The following ZNF527 variants were observed in gnomAD, a reference collection of about 807,000 sequenced individuals.
ZNF527 encodes zinc finger protein 527.
In ZNF527, 5 loss-of-function variants were observed where a neutral mutation model predicts 13.5. The observed-to-expected ratio is 0.37, with a 90% CI of 0.19 to 0.78. The LOEUF is 0.78. Among genes scored for constraint, ZNF527 ranks in the 30% least tolerant of loss-of-function variants. ZNF527 has a pLI of 0.48. For synonymous variants in ZNF527, 209 were observed against 243.1 expected (o/e 0.86, Z 1.30); for missense variants, 628 against 726.4 (o/e 0.86, Z 1.56).
intron 4 of ZNF527, among the ~76,000 whole-genome samples, chr19:37,387,448 A>C (rs572427139): frequency 6.6e-6 from 1 of 152,348 alleles, no homozygotes; most frequent in South Asian, 2.1e-4. Flanking sequence ...TTGAGCTCTC[A>C]GAATTTACAA....
At position 37,390,026 on chromosome 19, in the gene ZNF527, A is replaced by G; in HGVS notation, c.*147A>G. 6.8e-6 allele frequency: 7 copies of G among 1,026,390 alleles called. No individual in the cohort carries two copies. The highest frequency in any genetic ancestry group is 9.4e-6 in the Non-Finnish European group (7 of 741,544). The allele number at this position is 1,026,390 out of a possible 1,614,324, so 63.6% of individuals were successfully genotyped here. A position where few individuals can be genotyped will look rare whatever the true frequency, so the allele number is the denominator to read the frequency against. The stretch of plus-strand genomic sequence containing the variant: ...TATTTGAAGTAGCTCAGTAGTAGAC[A>G]TCTGTTACTTTTTTTTTTTTCAGAC... On this transcript the variant is annotated 3_prime_UTR_variant, in exon 5 of 5. Transcript: ENST00000436120.
Position 37,392,398 on chromosome 19 carries a change from TA to T in ZNF527, c.*2520del, listed in dbSNP as rs1262703772. ...CTAATTGATTTTTATTTTATTTATT[TA>T]TTTTTTTTGAGACAGGGTCTCACTC... On this transcript the variant is annotated 3_prime_UTR_variant, in exon 5 of 5. Coordinates refer to ENST00000436120, the MANE Select transcript of ZNF527 (RefSeq NM_032453.2). 1 of 152,176 alleles carries T rather than the reference TA, an allele frequency of 6.6e-6. No homozygotes were observed. Among genetic ancestry groups the T allele is most frequent in the Non-Finnish European group, 1.5e-5 (1 of 68,034 alleles). 9.4% of individuals were successfully genotyped at this position (152,176 alleles called of 1,614,324 possible).
chr19:37,385,279 A>C, intron 4 of ZNF527: 1 of 437,002 alleles, frequency 2.3e-6, no homozygotes. Context: ...TTCAAGGTTA[A>C]TGTCAAATTC....
intron 3 of ZNF527, 108 bp downstream of exon 3, chr19:37,379,354 G>C (rs1370599340): frequency 9.4e-7 from 1 of 1,066,358 alleles, no homozygotes; most frequent in African/African-American, 1.6e-5. Flanking sequence ...GCACTTACTT[G>C]CCTTTCTACT....
In ZNF527 at chr19:37,374,242, T is replaced by G. The variant is rs1360849291; in HGVS notation, c.33+11T>G. The G allele has an allele frequency of 8.7e-6, 14 of 1,613,862 alleles. No homozygotes were observed. Among genetic ancestry groups the G allele is most frequent in the African/African-American group, 1.3e-5 (1 of 74,928 alleles). On this transcript the variant is annotated intron_variant, in intron 2 of 4. Transcript: ENST00000436120. The stretch of plus-strand genomic sequence containing the variant: ...AAAGCCATGTCCCAGGTAAGCATGC[T>G]CTTTCACTTTGTTTTCAGACATTTG...
Position 37,384,816 on chromosome 19 carries a change from T to C in ZNF527, c.257-3490T>C, listed in dbSNP as rs569659447. The C allele has an allele frequency of 1.5e-4, 92 of 622,990 alleles. 3 individuals carry two copies. The South Asian group carries it at 1.5e-3, about 10-fold the overall frequency. The allele number at this position is 622,990 out of a possible 1,614,324, so 38.6% of individuals were successfully genotyped here. On this transcript the variant is annotated intron_variant, in intron 4 of 4. Coordinates refer to ENST00000436120, the MANE Select transcript of ZNF527 (RefSeq NM_032453.2). ...GAATGCATTGTCTATAAAGTTTTTC[T>C]CTTCTGTGAATTACCTGCTCATACA...
Position 37,389,654 on chromosome 19 carries a change from C to T in ZNF527, c.1605C>T (p.Phe535=), listed in dbSNP as rs2040734836. The change falls in exon 5 of 5, where the codon TTC becomes TTT. Residue 535 remains phenylalanine (F), a synonymous_variant. Transcript: ENST00000436120. ...AATGTAACAAATGTGGAAAGGCCTT[C>T]AGTTGTGGCTCATATCTTAATCAAC... ...PYECNKCGKA[F]SCGSYLNQHQ... The T allele has an allele frequency of 6.2e-7, 1 of 1,613,952 alleles. No individual in the cohort carries two copies. The highest frequency in any genetic ancestry group is 1.7e-5 in the Admixed American group (1 of 59,990).
At position 37,389,413 on chromosome 19, in the gene ZNF527, C is replaced by T; in HGVS notation, c.1364C>T (p.Ser455Leu). Residue 455 changes from serine to leucine, a missense_variant, in exon 5 of 5, where the codon TCA becomes TTA. By Grantham distance (145) the Ser-to-Leu change is moderately radical (BLOSUM62 -2). Coordinates refer to ENST00000436120, the MANE Select transcript of ZNF527 (RefSeq NM_032453.2). ...SECGKTFGYR[S>L]HLNQHQRIHT... The stretch of plus-strand genomic sequence containing the variant: ...TGTGGGAAGACCTTTGGCTATCGCT[C>T]ACACCTGAATCAACATCAGAGAATT... The T allele has an allele frequency of 1.2e-6, 2 of 1,614,002 alleles. No individual in the cohort carries two copies. The highest frequency in any genetic ancestry group is 8.5e-7 in the Non-Finnish European group (1 of 1,179,996).
chr19:37,382,186 TG>T (rs2040659073), intron 4 of ZNF527, among the ~76,000 whole-genome samples: 1 of 152,064 alleles, frequency 6.6e-6, no homozygotes, highest in Non-Finnish European at 1.5e-5. Flanking sequence ...TATTGGGAAA[TG>T]GTGTTTAGAA....
chr19:37,388,134 T>C (rs2040715182), intron 4 of ZNF527, among the ~76,000 whole-genome samples, 172 bp from the exon 5 acceptor site: 1 of 152,320 alleles, frequency 6.6e-6, no homozygotes, highest in South Asian at 2.1e-4. Context: ...TCTTTATTCT[T>C]TGTGCTTCCA....
At position 37,389,477 on chromosome 19, in the gene ZNF527, G is replaced by C. The variant is rs1233939128; in HGVS notation, c.1428G>C (p.Gly476=). 6 of 1,613,994 alleles carry C rather than the reference G, an allele frequency of 3.7e-6. No homozygotes were observed. Among genetic ancestry groups the C allele is most frequent in the Non-Finnish European group, 5.1e-6 (6 of 1,179,996 alleles). ...GEKPYECIKC[G]KFFRTDSQLN... ...AGCCCTATGAATGCATCAAATGTGG[G>C]AAGTTTTTTAGGACTGACTCACAAC... The change falls in exon 5 of 5, where the codon GGG becomes GGC. Residue 476 remains glycine, a synonymous_variant. Coordinates refer to ENST00000436120, the MANE Select transcript of ZNF527 (RefSeq NM_032453.2).
intron 4 of ZNF527, chr19:37,385,211 GT>G (rs1188187508): frequency 8.7e-6 from 4 of 460,756 alleles, no homozygotes; most frequent in Non-Finnish European, 1.1e-5. Context: ...TGTTTTAGTT[GT>G]TTTTTCTCAG....
At chr19:37,376,020 T>C (rs1025622338) in intron 2 of ZNF527, among the ~76,000 whole-genome samples, 5 of 152,148 alleles carry the variant, frequency 3.3e-5, no homozygotes, top group African/African-American at 9.7e-5. Flanking sequence ...GAAGACATCA[T>C]TGTGGTGGGT....
At chr19:37,375,304 T>TTC in intron 2 of ZNF527, among the ~76,000 whole-genome samples, 1 of 117,854 alleles carries the variant, frequency 8.5e-6, no homozygotes, top group Non-Finnish European at 1.7e-5. Flanking sequence ...CTTTCTTTCT[T>TTC]TCTTTCTTTT....
chr19:37,387,605 T>G (rs1011198923), intron 4 of ZNF527, among the ~76,000 whole-genome samples: 4 of 152,220 alleles, frequency 2.6e-5, no homozygotes, highest in African/African-American at 7.2e-5. Context: ...TAAAAAATAG[T>G]TTTATTTCTA....
At chr19:37,371,429 G>T (rs1315835552) in intron 1 of ZNF527, among the ~76,000 whole-genome samples, 1 of 152,156 alleles carries the variant, frequency 6.6e-6, no homozygotes, top group African/African-American at 2.4e-5. Flanking sequence ...GCGTGCGCCC[G>T]CTTGTGTGTG....
chr19:37,384,371 A>T (rs1329036215), intron 4 of ZNF527, among the ~76,000 whole-genome samples: 1 of 152,096 alleles, frequency 6.6e-6, no homozygotes, highest in African/African-American at 2.4e-5. Context: ...GGTGCTGTGC[A>T]CTTATTATTC....
At position 37,389,854 on chromosome 19, in the gene ZNF527, G is replaced by T. The variant is rs202094634; in HGVS notation, c.1805G>T (p.Arg602Ile). The change falls in exon 5 of 5, where the codon AGA becomes ATA. Residue 602 changes from arginine (R) to isoleucine (I), a missense_variant. This residue lies in a region of ZNF527 where 592 missense variants were observed against 678.0 expected (regional missense o/e 0.87). Coordinates refer to ENST00000436120, the MANE Select transcript of ZNF527 (RefSeq NM_032453.2). ...SCVSALRRHQ[R>I]IHNRETL ...GTCTCAGCCCTTAGACGACATCAGA[G>T]AATTCATAATAGAGAAACGCTCTGA... 1.2e-6 allele frequency: 2 copies of T among 1,604,400 alleles called. No homozygotes were observed. Among genetic ancestry groups the T allele is most frequent in the East Asian group, 2.2e-5 (1 of 44,806 alleles).
At chr19:37,373,473 C>G (rs1299441393) in intron 1 of ZNF527, among the ~76,000 whole-genome samples, 1 of 152,160 alleles carries the variant, frequency 6.6e-6, no homozygotes, top group Non-Finnish European at 1.5e-5. Context: ...CTACAATGGT[C>G]TGGTGGTGTT....
Sources: gnomAD v4.1 joint callset for allele counts (sites outside exome capture counted in the v4.1 genomes callset) on GRCh38, gnomAD v4.1.1 for gene constraint, gnomAD v4.1.1 regional missense constraint, MANE v1.5 for transcripts, NCBI Gene and HGNC (gene_info 2026-07-23, HGNC 2026-07-21) for gene names.